Variants in CMTM8 observed in about 807,000 individuals in gnomAD.
CMTM8 encodes CKLF-like MARVEL transmembrane domain-containing protein 8.
CMTM8 carries 12 observed loss-of-function variants against 18.6 expected under a neutral mutation model. That is an observed-to-expected ratio of 0.65 (90% CI 0.41 to 1.05). CMTM8 has a LOEUF of 1.05. Ranked by LOEUF, CMTM8 falls within the 50% of genes least tolerant of loss-of-function variation. The probability of loss-of-function intolerance (pLI) is 0.00; values close to 1 mark genes in which losing one functional copy is unlikely to be tolerated. For missense variants in CMTM8, 217 were observed against 227.2 expected, an observed-to-expected ratio of 0.95 and a Z score of 0.29; for synonymous variants, 87 against 90.6, an observed-to-expected ratio of 0.96 and a Z score of 0.23.
At chr3:32,262,360 T>G (rs1429526396) in intron 1 of CMTM8, among the ~76,000 whole-genome samples, 2 of 152,234 alleles carry the variant, frequency 1.3e-5, no homozygotes, top group Non-Finnish European at 2.9e-5. Flanking sequence ...CTGCTGAAGC[T>G]ACATCATTGT....
intron 1 of CMTM8, among the ~76,000 whole-genome samples, chr3:32,354,947 C>T (rs1559388184): frequency 6.6e-6 from 1 of 152,140 alleles, no homozygotes; most frequent in Non-Finnish European, 1.5e-5. Flanking sequence ...GTTGTTGCCA[C>T]GGATGTAAAC....
intron 1 of CMTM8, among the ~76,000 whole-genome samples, chr3:32,274,470 T>G (rs575254815): frequency 2.0e-5 from 3 of 152,144 alleles, no homozygotes; most frequent in Non-Finnish European, 2.9e-5. Context: ...CCTCATACTT[T>G]CACTGTAATT....
chr3:32,258,376 C>T (rs2125535645), intron 1 of CMTM8, among the ~76,000 whole-genome samples: 1 of 152,300 alleles, frequency 6.6e-6, no homozygotes, highest in South Asian at 2.1e-4. Context: ...GTCCTAGCTA[C>T]AAAGAAGTTC....
intron 1 of CMTM8, among the ~76,000 whole-genome samples, chr3:32,255,151 T>G (rs2125533942): frequency 6.6e-6 from 1 of 152,330 alleles, no homozygotes; most frequent in Middle Eastern, 3.4e-3. Context: ...AAATACCACA[T>G]TTTATTCATC....
intron 1 of CMTM8, among the ~76,000 whole-genome samples, chr3:32,301,989 G>A (rs1259861042): frequency 3.3e-5 from 5 of 151,078 alleles, no homozygotes; most frequent in Non-Finnish European, 7.4e-5. Context: ...AATTCCTTTC[G>A]GTGGAATTAA....
chr3:32,320,580 A>T (rs558338907), intron 1 of CMTM8, among the ~76,000 whole-genome samples: 1 of 152,210 alleles, frequency 6.6e-6, no homozygotes, highest in Non-Finnish European at 1.5e-5. Flanking sequence ...ATACACTAAA[A>T]TCTATTGTGT....
At chr3:32,337,456 C>T (rs768323900) in intron 1 of CMTM8, among the ~76,000 whole-genome samples, 10 of 152,312 alleles carry the variant, frequency 6.6e-5, no homozygotes, top group Non-Finnish European at 1.5e-4. Context: ...TTGGCTGGGG[C>T]TGGCTGCAGC....
chr3:32,264,390 G>A (rs573713247), intron 1 of CMTM8, among the ~76,000 whole-genome samples: 1 of 152,274 alleles, frequency 6.6e-6, no homozygotes, highest in East Asian at 1.9e-4. Context: ...ATCCTTTACA[G>A]ACAAGCAAAT....
chr3:32,267,825 C>T (rs943459199), intron 1 of CMTM8, among the ~76,000 whole-genome samples: 2 of 152,212 alleles, frequency 1.3e-5, no homozygotes, highest in Non-Finnish European at 2.9e-5. Flanking sequence ...GACATTTATG[C>T]AGTCAAAAGA....
intron 1 of CMTM8, among the ~76,000 whole-genome samples, chr3:32,286,757 T>C (rs1702693697): frequency 6.6e-6 from 1 of 152,056 alleles, no homozygotes; most frequent in African/African-American, 2.4e-5. Flanking sequence ...TAACGGTAGC[T>C]GATGAGCTGA....
intron 1 of CMTM8, among the ~76,000 whole-genome samples, chr3:32,330,595 C>G (rs1696256042): frequency 6.6e-6 from 1 of 151,934 alleles, no homozygotes; most frequent in Admixed American, 6.6e-5. Context: ...AATAGAGAGC[C>G]CAGTAATATA....
intron 1 of CMTM8, among the ~76,000 whole-genome samples, chr3:32,316,654 G>C (rs1695938020): frequency 7.2e-6 from 1 of 139,818 alleles, no homozygotes; most frequent in Non-Finnish European, 1.6e-5. Context: ...AAAAGATCCT[G>C]CTTGTTTGGG....
intron 2 of CMTM8, among the ~76,000 whole-genome samples, chr3:32,366,639 T>G (rs1225437799): frequency 1.3e-5 from 2 of 152,234 alleles, no homozygotes; most frequent in East Asian, 3.8e-4. Flanking sequence ...GAAGTATTAG[T>G]GGCAAGACAA....
chr3:32,343,782 C>G (rs573257889), intron 1 of CMTM8, among the ~76,000 whole-genome samples: 35 of 152,284 alleles, frequency 2.3e-4, no homozygotes, highest in African/African-American at 8.4e-4. Context: ...TCACTGCAAC[C>G]CCAGCTTCCC....
At chr3:32,326,515 C>CTTTTTTTTTTTTT in intron 1 of CMTM8, among the ~76,000 whole-genome samples, 1 of 113,372 alleles carries the variant, frequency 8.8e-6, no homozygotes, top group Non-Finnish European at 1.8e-5. Flanking sequence ...TTCTTTCTTT[C>CTTTTTTTTTTTTT]TTTTTTTTTT....
intron 2 of CMTM8, among the ~76,000 whole-genome samples, chr3:32,359,294 T>C (rs1696875162): frequency 1.3e-5 from 2 of 152,158 alleles, no homozygotes; most frequent in Non-Finnish European, 2.9e-5. Flanking sequence ...TGTGTTCCAG[T>C]AAAACTTTAT....
intron 1 of CMTM8, among the ~76,000 whole-genome samples, chr3:32,291,139 T>G (rs1180520504): frequency 6.6e-6 from 1 of 152,034 alleles, no homozygotes; most frequent in Non-Finnish European, 1.5e-5. Context: ...GAAATTTTTT[T>G]TTTTTTTAAT....
intron 1 of CMTM8, among the ~76,000 whole-genome samples, chr3:32,348,364 A>C (rs1369017991): frequency 6.6e-6 from 1 of 152,028 alleles, no homozygotes; most frequent in Non-Finnish European, 1.5e-5. Flanking sequence ...TTCATGATGT[A>C]CCTTGATTTG....
chr3:32,272,937 A>C (rs1366035916), intron 1 of CMTM8, among the ~76,000 whole-genome samples: 1 of 152,174 alleles, frequency 6.6e-6, no homozygotes, highest in Admixed American at 6.5e-5. Context: ...AAGCTTGACA[A>C]AGGATTTGGG....
Sources: gnomAD v4.1 joint callset for allele counts (sites outside exome capture counted in the v4.1 genomes callset) on GRCh38, gnomAD v4.1.1 for gene constraint, MANE v1.5 for transcripts, NCBI Gene and HGNC (gene_info 2026-07-23, HGNC 2026-07-21) for gene names.